The following NHSL1 variants were observed in gnomAD, a reference collection of about 807,000 sequenced individuals.
NHSL1 encodes the protein NHS like 1.
Under a neutral mutation model 95.0 loss-of-function variants are expected in NHSL1, and 48 were observed. The observed-to-expected ratio is 0.51, with a 90% CI of 0.40 to 0.64. The LOEUF is 0.64. NHSL1 is among the 30% of genes least tolerant of loss of function. The probability of loss-of-function intolerance (pLI) is 0.00; values close to 1 mark genes in which losing one functional copy is unlikely to be tolerated. For synonymous variants in NHSL1, 783 were observed against 833.9 expected, an observed-to-expected ratio of 0.94 and a Z score of 1.05; for missense variants, 1,971 against 2,077.7, an observed-to-expected ratio of 0.95 and a Z score of 1.00.
chr6:138,562,855 G>A (rs1234751324), intron 1 of NHSL1, among the ~76,000 whole-genome samples: 1 of 151,822 alleles, frequency 6.6e-6, no homozygotes, highest in Non-Finnish European at 1.5e-5. Flanking sequence ...CTTCCAATAC[G>A]GCTTCGACCG....
chr6:138,466,103 G>C (rs1037471088), intron 3 of NHSL1, among the ~76,000 whole-genome samples: 7 of 147,446 alleles, frequency 4.7e-5, no homozygotes, highest in Non-Finnish European at 1.0e-4. Flanking sequence ...GCAGTGGTGC[G>C]ATCTCAGCTC....
chr6:138,528,085 A>G (rs77082779), intron 1 of NHSL1, among the ~76,000 whole-genome samples: 3,400 of 152,322 alleles, frequency 0.022, 110 homozygotes, highest in African/African-American at 0.079. Flanking sequence ...AATTATACGT[A>G]TAAAACTCAG....
chr6:138,424,303 C>T lies in NHSL1; in HGVS notation c.4599G>A (p.Val1533=). The part of the protein sequence containing the change: ...TVISEGEGEA[V]EPVDSIARGA... ...CGCGGGCTATGCTGTCCACAGGCTC[C>T]ACGGCTTCCCCTTCTCCCTCCGAGA... Residue 1533 remains valine (V), a synonymous_variant, in exon 8 of 8, where the codon GTG becomes GTA. Coordinates refer to ENST00000343505, the MANE Select transcript of NHSL1 (RefSeq NM_001144060.2). This position sits in a 1 kb window ranked among gnomAD's most constrained non-coding sequence, Gnocchi z 5.9. The T allele has an allele frequency of 2.0e-6, 3 of 1,517,408 alleles. No homozygotes were observed. Among genetic ancestry groups the T allele is most frequent in the Non-Finnish European group, 8.9e-7 (1 of 1,128,636 alleles). The allele number at this position is 1,517,408 out of a possible 1,614,324, so 94.0% of individuals were successfully genotyped here.
chr6:138,424,120 G>A lies in NHSL1; in HGVS notation c.4782C>T (p.Pro1594=). 1 of 1,416,418 alleles carries A rather than the reference G, an allele frequency of 7.1e-7. No homozygotes were observed. The highest frequency in any genetic ancestry group is 9.2e-7 in the Non-Finnish European group (1 of 1,086,752). 87.7% of individuals were successfully genotyped at this position (1,416,418 alleles called of 1,614,324 possible). A position where few individuals can be genotyped will look rare whatever the true frequency, so the allele number is the denominator to read the frequency against. The change falls in exon 8 of 8, where the codon CCC becomes CCT. Residue 1594 remains proline (P), a synonymous_variant. Coordinates refer to ENST00000343505, the MANE Select transcript of NHSL1 (RefSeq NM_001144060.2). The surrounding 1 kb of genome is among the most constrained non-coding windows in gnomAD (Gnocchi z 5.9). ...DGTASAEGRE[P]SPQCGGSLSE... ...TCAGAGAACCGCCACACTGTGGGGAGGGCTCTCTGCCCTCTGCACTGGCTG... is the reference window on the plus strand; with the variant it reads ...TCAGAGAACCGCCACACTGTGGGGAAGGCTCTCTGCCCTCTGCACTGGCTG...
chr6:138,429,629 A>C, intron 7 of NHSL1, 82 bp downstream of exon 7: 1 of 1,307,810 alleles, frequency 7.6e-7, no homozygotes, highest in Non-Finnish European at 1.0e-6. Flanking sequence ...AGAAACCTCA[A>C]GGAAGAAAAG....
At chr6:138,672,108 C>T (rs1428089464) in intron 1 of NHSL1, among the ~76,000 whole-genome samples, 1 of 152,190 alleles carries the variant, frequency 6.6e-6, no homozygotes, top group Non-Finnish European at 1.5e-5. Context: ...TGAATGACTA[C>T]CCATGACCAT....
upstream of NHSL1, among the ~76,000 whole-genome samples, chr6:138,574,689 AAAAG>A (rs1230141065): frequency 1.4e-3 from 141 of 100,188 alleles, 1 homozygote; most frequent in African/African-American, 7.7e-3. Context: ...AAAAAAAAAG[AAAAG>A]AAAAAAAGTT....
At position 138,437,359 on chromosome 6, in the gene NHSL1, C is replaced by CAT. The variant is rs374814827; in HGVS notation, c.665-3681_665-3680dup. 1.0e-3 allele frequency among the ~76,000 whole-genome samples: 21 copies of CAT among 20,982 alleles called. 2 individuals carry two copies. Among genetic ancestry groups the CAT allele is most frequent in the African/African-American group, 1.6e-3 (12 of 7,296 alleles). The allele number at this position is 20,982 out of a possible 152,430, so 13.8% of individuals were successfully genotyped here. On this transcript the variant is annotated intron_variant, in intron 5 of 7. Transcript: ENST00000343505. ...ATATATATACACATATATATATACA[C>CAT]ATATATATATATACACATATATATA...
At chr6:138,540,434 A>T (rs1203606492) in intron 1 of NHSL1, among the ~76,000 whole-genome samples, 1 of 152,260 alleles carries the variant, frequency 6.6e-6, no homozygotes, top group African/African-American at 2.4e-5. Context: ...GGGACCTTCC[A>T]GAGCAAATGG....
rs139312136 is a variant in NHSL1 at position 138,659,835 on chromosome 6, C to T, written c.96+32641G>A. Among the ~76,000 whole-genome samples, 346 of 151,896 alleles carry T rather than the reference C, an allele frequency of 2.3e-3. 1 individual carries two copies. The highest frequency in any genetic ancestry group is 7.9e-3 in the African/African-American group (328 of 41,382). ...AGGTTCAAGCAAATCTCACTTCAGC[C>T]TCCTGAGTAATTGGGATTACAGGCA... On this transcript the variant is annotated intron_variant, in intron 1 of 3. Transcript: ENST00000491526.
chr6:138,530,313 T>G (rs73557318), intron 1 of NHSL1, among the ~76,000 whole-genome samples: 20,923 of 152,176 alleles, frequency 0.14, 3,110 homozygotes, highest in African/African-American at 0.38. Flanking sequence ...AGGGAACACT[T>G]TCACACTGCT....
chr6:138,454,497 CATTACTGGGGGAAAAA>C (rs368795503), intron 3 of NHSL1, among the ~76,000 whole-genome samples: 7,779 of 152,120 alleles, frequency 0.051, 639 homozygotes, highest in African/African-American at 0.18. Context: ...CCCATACAGT[CATTACTGGGGGAAAAA>C]CATGAGCTCT....
chr6:138,538,382 C>G (rs1263493420), intron 1 of NHSL1, among the ~76,000 whole-genome samples: 2 of 152,104 alleles, frequency 1.3e-5, no homozygotes, highest in Non-Finnish European at 2.9e-5. Flanking sequence ...CTCATTTGCT[C>G]TGTTTGGAAT....
intron 2 of NHSL1, among the ~76,000 whole-genome samples, chr6:138,486,768 A>G (rs11969708): frequency 0.056 from 8,586 of 152,292 alleles, 783 homozygotes; most frequent in African/African-American, 0.19. Context: ...TGTGCTGGGG[A>G]CACACAAGTG....
chr6:138,617,311 A>G (rs113442019), intron 1 of NHSL1, among the ~76,000 whole-genome samples: 2,926 of 152,252 alleles, frequency 0.019, 87 homozygotes, highest in African/African-American at 0.066. Context: ...TAACATGTAC[A>G]TGAAGTTGCC....
intron 1 of NHSL1, among the ~76,000 whole-genome samples, chr6:138,604,432 G>C (rs73564400): frequency 6.6e-6 from 1 of 152,186 alleles, no homozygotes; most frequent in South Asian, 2.1e-4. Context: ...AAAATCCACA[G>C]CTTAGGGTTA....
In NHSL1 at chr6:138,433,504, C is replaced by G. The variant is rs756022786; in HGVS notation, c.841G>C (p.Ala281Pro). 1.9e-6 allele frequency: 3 copies of G among 1,552,062 alleles called. No homozygotes were observed. The South Asian group carries it at 3.6e-5, about 18-fold the overall frequency. Reference protein sequence around the residue: ...VVPPSMRRIRAQKGQGIAAQM... With the variant: ...VVPPSMRRIRPQKGQGIAAQM... ...GCAGCAATGCCTTGCCCCTTCTGTG[C>G]CCTGATTCTCCTCATGGAAGGTGGT... The change falls in exon 6 of 8, where the codon GCA (alanine) becomes CCA (proline). Residue 281 changes from alanine (A) to proline (P), a missense_variant. Transcript: ENST00000343505.
intron 1 of NHSL1, among the ~76,000 whole-genome samples, chr6:138,683,910 A>T (rs532318427): frequency 6.6e-6 from 1 of 152,328 alleles, no homozygotes; most frequent in East Asian, 1.9e-4. Context: ...TCATCAGGCA[A>T]TACAAAACCC....
chr6:138,455,042 G>A (rs754985030), intron 3 of NHSL1, among the ~76,000 whole-genome samples: 14 of 152,204 alleles, frequency 9.2e-5, no homozygotes, highest in Non-Finnish European at 1.6e-4. Flanking sequence ...GGTCATTGGA[G>A]ACATTCTCAC....
Sources: gnomAD v4.1 joint callset for allele counts (sites outside exome capture counted in the v4.1 genomes callset) on GRCh38, gnomAD v4.1.1 for gene constraint, Gnocchi (gnomAD v3.1) non-coding constraint, MANE v1.5 for transcripts, NCBI Gene and HGNC (gene_info 2026-07-23, HGNC 2026-07-21) for gene names.